NDUFA5: variants seen among roughly 807,000 people sequenced by gnomAD.
The protein encoded by NDUFA5 is NADH:ubiquinone oxidoreductase subunit A5, also known as NADH dehydrogenase [ubiquinone] 1 alpha subcomplex subunit 5.
Under a neutral mutation model 19.8 loss-of-function variants are expected in NDUFA5, and 11 were observed. The ratio of observed to expected loss-of-function variants is 0.56; its 90% CI spans 0.35 to 0.92. The LOEUF (loss-of-function observed/expected upper bound fraction) is 0.92. Among genes scored for constraint, NDUFA5 ranks in the 40% least tolerant of loss-of-function variants. The probability of loss-of-function intolerance (pLI) is 0.01; values close to 1 mark genes in which losing one functional copy is unlikely to be tolerated. For missense variants in NDUFA5, 109 were observed against 134.2 expected, an observed-to-expected ratio of 0.81 and a Z score of 0.93; for synonymous variants, 47 against 46.8, an observed-to-expected ratio of 1.00 and a Z score of -0.01.
At chr7:123,599,650 G>T in the NDUFA5 span, among the ~76,000 whole-genome samples, 1 of 152,162 alleles carries the variant, frequency 6.6e-6, no homozygotes, top group African/African-American at 2.4e-5. Context: ...AGAAATAGGT[G>T]GGTCCAAGGA....
chr7:123,593,123 G>A, the NDUFA5 span, among the ~76,000 whole-genome samples: 1 of 151,610 alleles, frequency 6.6e-6, no homozygotes, highest in Non-Finnish European at 1.5e-5. Context: ...CCATTTGTTT[G>A]GTAGATCTTA....
the NDUFA5 span, among the ~76,000 whole-genome samples, chr7:123,592,066 G>C: frequency 6.6e-6 from 1 of 152,130 alleles, no homozygotes; most frequent in Non-Finnish European, 1.5e-5. Context: ...ATTTCTTCTA[G>C]ATATTTTAGT....
chr7:123,557,025 G>C (rs754362387), intron 2 of NDUFA5: 5 of 486,936 alleles, frequency 1.0e-5, no homozygotes, highest in Admixed American at 9.3e-5. Flanking sequence ...GAAGGAAAAG[G>C]GGGCAGTACC....
chr7:123,565,909 C>T, the NDUFA5 span, among the ~76,000 whole-genome samples: 1 of 151,920 alleles, frequency 6.6e-6, no homozygotes, highest in Non-Finnish European at 1.5e-5. Context: ...GTCCCAGCTA[C>T]TCAGGAGGCT....
At chr7:123,601,168 G>A in the NDUFA5 span, among the ~76,000 whole-genome samples, 1 of 152,054 alleles carries the variant, frequency 6.6e-6, no homozygotes, top group African/African-American at 2.4e-5. Flanking sequence ...ATTTTCATTG[G>A]AAAATCAGTA....
the NDUFA5 span, among the ~76,000 whole-genome samples, chr7:123,596,985 C>T: frequency 1.3e-5 from 2 of 152,126 alleles, no homozygotes; most frequent in Admixed American, 6.6e-5. Context: ...TTTGCCTTAG[C>T]ACTACTGAGA....
the NDUFA5 span, among the ~76,000 whole-genome samples, chr7:123,576,506 C>T: frequency 6.6e-6 from 1 of 151,892 alleles, no homozygotes; most frequent in African/African-American, 2.4e-5. Context: ...ATGTTTATTT[C>T]TCACTTTAAA....
the NDUFA5 span, among the ~76,000 whole-genome samples, chr7:123,591,046 A>G: frequency 6.6e-6 from 1 of 151,980 alleles, no homozygotes; most frequent in Non-Finnish European, 1.5e-5. Context: ...TAGGTATTTT[A>G]TTCTCTTTGT....
chr7:123,595,510 C>A, the NDUFA5 span, among the ~76,000 whole-genome samples: 2 of 152,212 alleles, frequency 1.3e-5, no homozygotes, highest in Admixed American at 6.5e-5. Flanking sequence ...CAATGACCAA[C>A]TATCGTCATG....
chr7:123,548,012 A>G (rs192110321), intron 3 of NDUFA5, among the ~76,000 whole-genome samples: 86 of 152,284 alleles, frequency 5.6e-4, no homozygotes, highest in African/African-American at 2.0e-3. Flanking sequence ...CACTCCACAA[A>G]TAAGTATTAG....
At chr7:123,593,894 T>G in the NDUFA5 span, among the ~76,000 whole-genome samples, 2 of 152,208 alleles carry the variant, frequency 1.3e-5, no homozygotes, top group Non-Finnish European at 2.9e-5. Context: ...GGTTCAATTC[T>G]CCCCGTCACT....
intron 2 of NDUFA5, chr7:123,556,394 T>G (rs1798539957): frequency 6.4e-6 from 1 of 155,498 alleles, no homozygotes; most frequent in East Asian, 1.9e-4. Flanking sequence ...AAAACCGTTC[T>G]CTATTTGGAT....
At chr7:123,583,734 G>C in the NDUFA5 span, among the ~76,000 whole-genome samples, 11 of 151,960 alleles carry the variant, frequency 7.2e-5, no homozygotes, top group African/African-American at 2.7e-4. Flanking sequence ...TTAAGCATAA[G>C]AACACTGTCT....
At chr7:123,563,336 T>C in the NDUFA5 span, among the ~76,000 whole-genome samples, 61 of 152,308 alleles carry the variant, frequency 4.0e-4, no homozygotes, top group Non-Finnish European at 6.8e-4. Context: ...GCAGCATTAT[T>C]AACTGGCCTA....
intron 2 of NDUFA5, chr7:123,554,649 T>G (rs1798472925): frequency 6.6e-6 from 1 of 152,380 alleles, no homozygotes; most frequent in East Asian, 1.9e-4. Context: ...AGTATATTGT[T>G]ATAATTGTTC....
At chr7:123,594,166 G>C in the NDUFA5 span, among the ~76,000 whole-genome samples, 4 of 152,076 alleles carry the variant, frequency 2.6e-5, no homozygotes, top group African/African-American at 9.6e-5. Flanking sequence ...GCTTATTCTA[G>C]TTTGCCATTC....
intron 3 of NDUFA5, among the ~76,000 whole-genome samples, chr7:123,547,147 C>T (rs954759104): frequency 2.0e-5 from 3 of 152,100 alleles, no homozygotes; most frequent in Non-Finnish European, 4.4e-5. Flanking sequence ...GGAAGCACAG[C>T]CCTGACAACA....
chr7:123,580,984 A>G, the NDUFA5 span, among the ~76,000 whole-genome samples: 1 of 152,004 alleles, frequency 6.6e-6, no homozygotes, highest in Non-Finnish European at 1.5e-5. Flanking sequence ...CAGGAAACCA[A>G]ACCAACAGGC....
chr7:123,550,566 T>G lies in NDUFA5; in HGVS notation c.87A>C (p.Thr29=), dbSNP rs201655378. 6.9e-6 allele frequency: 11 copies of G among 1,602,972 alleles called. No individual in the cohort carries two copies. In the East Asian group the frequency reaches 2.5e-4, roughly 36 times the overall value. ...TTTCCTCAAGAACATCAAGAATCTT[T>G]GTGTACAATATTCTTAGCCTCTGAA... ...TPHERLRILY[T]KILDVLEEIP... is the part of the protein sequence containing the mutation. Residue 29 remains threonine (T), a synonymous_variant, in exon 3 of 5, where the codon ACA becomes ACC. Transcript: ENST00000355749.
Sources: gnomAD v4.1 joint callset for allele counts (sites outside exome capture counted in the v4.1 genomes callset) on GRCh38, gnomAD v4.1.1 for gene constraint, MANE v1.5 for transcripts, NCBI Gene and HGNC (gene_info 2026-07-23, HGNC 2026-07-21) for gene names.